The following SMG9 variants were observed in gnomAD, a reference collection of about 807,000 sequenced individuals.
The protein encoded by SMG9 is nonsense-mediated mRNA decay factor SMG9.
SMG9 carries 55 observed loss-of-function variants against 64.0 expected under a neutral mutation model. The observed-to-expected ratio is 0.86, with a 90% CI of 0.69 to 1.08. SMG9 has a LOEUF of 1.08. Ranked by LOEUF, SMG9 falls within the 50% of genes least tolerant of loss-of-function variation. SMG9 has a pLI of 0.00. For missense variants in SMG9, 554 were observed against 681.3 expected, an observed-to-expected ratio of 0.81 and a Z score of 2.08; for synonymous variants, 244 against 254.8, an observed-to-expected ratio of 0.96 and a Z score of 0.41.
chr19:43,754,948 G>A lies in SMG9; in HGVS notation c.-301C>T, dbSNP rs1170425150. 6.6e-6 allele frequency: 1 copy of A among 152,310 alleles called. No individual in the cohort carries two copies. Among genetic ancestry groups the A allele is most frequent in the Non-Finnish European group, 1.5e-5 (1 of 68,094 alleles). 9.4% of individuals were successfully genotyped at this position (152,310 alleles called of 1,614,324 possible). Reference sequence around the variant, plus strand: ...TCCTGCGCATGCGCTGAGGGCTGGAGCTCGAGAACTGAATGCGCTCGCCGG... The same window carrying A: ...TCCTGCGCATGCGCTGAGGGCTGGAACTCGAGAACTGAATGCGCTCGCCGG... On this transcript the variant is annotated 5_prime_UTR_variant, in exon 1 of 14. Transcript: ENST00000270066.
intron 7 of SMG9, among the ~76,000 whole-genome samples, chr19:43,739,346 CTA>C (rs1968775090): frequency 6.6e-6 from 1 of 152,188 alleles, no homozygotes; most frequent in Non-Finnish European, 1.5e-5. Context: ...CACAAAACCC[CTA>C]TGAGGCAGGC....
At chr19:43,748,196 C>T in intron 2 of SMG9, 144 bp from the exon 3 acceptor site, 1 of 1,017,838 alleles carries the variant, frequency 9.8e-7, no homozygotes, top group Non-Finnish European at 1.4e-6. Context: ...TATTATTACC[C>T]CCACTTTACA....
At chr19:43,752,088 G>A (rs1379227817) in intron 1 of SMG9, among the ~76,000 whole-genome samples, 4 of 152,186 alleles carry the variant, frequency 2.6e-5, no homozygotes, top group Admixed American at 1.3e-4. Context: ...ACTTACTAGT[G>A]TATGTCATGG....
intron 5 of SMG9, among the ~76,000 whole-genome samples, chr19:43,746,185 CA>C (rs1792647483): frequency 2.0e-5 from 3 of 152,136 alleles, no homozygotes; most frequent in African/African-American, 4.8e-5. Context: ...ATAAATAAAG[CA>C]AATCCTGGGC....
chr19:43,753,523 C>A (rs1969258509), intron 1 of SMG9, among the ~76,000 whole-genome samples: 1 of 146,546 alleles, frequency 6.8e-6, no homozygotes, highest in African/African-American at 2.5e-5. Flanking sequence ...TGCAGTGGCA[C>A]GATCTCAGCT....
intron 6 of SMG9, 26 bp from the exon 7 acceptor site, chr19:43,740,244 T>C (rs2146379135): frequency 6.6e-7 from 1 of 1,521,796 alleles, no homozygotes; most frequent in African/African-American, 1.4e-5. Context: ...GGCAGGGGTG[T>C]GTGAGAGCTC....
At position 43,741,981 on chromosome 19, in the gene SMG9, C is replaced by G. The variant is rs536482149; in HGVS notation, c.702-1763G>C. Among the ~76,000 whole-genome samples the G allele has an allele frequency of 3.0e-3, 455 of 152,108 alleles. 3 individuals are homozygous for G. The highest frequency in any genetic ancestry group is 0.011 in the African/African-American group (440 of 41,490). ...TGGCCAACATGGTGAAACCCTGTCTCTATTAAAAATACAAAAATTAGCCGG... is the reference window on the plus strand; with the variant it reads ...TGGCCAACATGGTGAAACCCTGTCTGTATTAAAAATACAAAAATTAGCCGG... On this transcript the variant is annotated intron_variant, in intron 6 of 13. Coordinates refer to ENST00000270066, the MANE Select transcript of SMG9 (RefSeq NM_019108.4).
At chr19:43,737,976 T>C in intron 8 of SMG9, 146 bp downstream of exon 8, 2 of 780,662 alleles carry the variant, frequency 2.6e-6, no homozygotes, top group Non-Finnish European at 4.3e-6. Context: ...ACTCTCAGTG[T>C]TGTCCTCTTC....
intron 1 of SMG9, among the ~76,000 whole-genome samples, chr19:43,752,896 CCTGT>C (rs1969231108): frequency 1.2e-5 from 1 of 84,178 alleles, no homozygotes; most frequent in Non-Finnish European, 2.4e-5. Context: ...AAAGCAAGAC[CCTGT>C]CTAAAAAAAA....
chr19:43,744,868 G>C lies in SMG9; in HGVS notation c.605C>G (p.Thr202Ser). The change falls in exon 6 of 14, where the codon ACT becomes AGT. Residue 202 changes from threonine to serine, a missense_variant. Thr to Ser is a moderately conservative substitution (Grantham distance 58). Transcript: ENST00000270066. ...CAGGACACCAACCACCAACACATCA[G>C]TCTGATCCAACAGGTACTGTGGGAA... Reference protein sequence around the residue: ...DSAIEYLLDQTDVLVVGVLGL... With the variant: ...DSAIEYLLDQSDVLVVGVLGL... 6.2e-7 allele frequency: 1 copy of C among 1,613,680 alleles called. No individual in the cohort carries two copies. Among genetic ancestry groups the C allele is most frequent in the Non-Finnish European group, 8.5e-7 (1 of 1,179,758 alleles).
chr19:43,734,540 C>CA, intron 9 of SMG9, 45 bp from the exon 10 acceptor site: 3 of 1,352,970 alleles, frequency 2.2e-6, no homozygotes, highest in Non-Finnish European at 3.1e-6. Context: ...ACTTGCACCC[C>CA]AGGTCCCACA....
chr19:43,732,759 G>T (rs1296908709), intron 13 of SMG9, 99 bp downstream of exon 13: 2 of 1,430,284 alleles, frequency 1.4e-6, no homozygotes, highest in Admixed American at 1.8e-5. Context: ...ATCTGGAGAG[G>T]AGGGGCTTCA....
chr19:43,733,529 G>C, intron 11 of SMG9, 77 bp from the exon 12 acceptor site: 1 of 1,609,622 alleles, frequency 6.2e-7, no homozygotes, highest in Non-Finnish European at 8.5e-7. Context: ...AGTCAAAGCA[G>C]GATCAGGAGA....
intron 2 of SMG9, among the ~76,000 whole-genome samples, chr19:43,749,010 T>G (rs556417875): frequency 6.6e-6 from 1 of 152,190 alleles, no homozygotes; most frequent in Admixed American, 6.5e-5. Context: ...AATTTGGGAT[T>G]TTTTTGAACT....
chr19:43,741,679 A>G lies in SMG9; in HGVS notation c.702-1461T>C, dbSNP rs114280410. Among the ~76,000 whole-genome samples, 194 of 152,220 alleles carry G rather than the reference A, an allele frequency of 1.3e-3. 1 individual carries two copies. Among genetic ancestry groups the G allele is most frequent in the African/African-American group, 4.5e-3 (186 of 41,524 alleles). On this transcript the variant is annotated intron_variant, in intron 6 of 13. Transcript: ENST00000270066. Reference sequence around the variant, plus strand: ...AAGGCTGCCACGTTCTTCTACACACACTATGGGCAAGCTCCCACTTCAGAC... The same window carrying G: ...AAGGCTGCCACGTTCTTCTACACACGCTATGGGCAAGCTCCCACTTCAGAC...
At position 43,747,807 on chromosome 19, in the gene SMG9, C is replaced by T; in HGVS notation, c.316G>A (p.Glu106Lys). 6.2e-7 allele frequency: 1 copy of T among 1,605,076 alleles called. No homozygotes were observed. Among genetic ancestry groups the T allele is most frequent in the South Asian group, 1.1e-5 (1 of 90,062 alleles). The change falls in exon 4 of 14, where the codon GAG (glutamate) becomes AAG (lysine). Residue 106 changes from glutamate (E) to lysine (K), a missense_variant. Physicochemically the swap from Glu to Lys is moderately conservative, Grantham distance 56. Transcript: ENST00000270066. Reference protein sequence around the residue: ...KPIVLMKPREEGKGPVAVTGA... With the variant: ...KPIVLMKPREKGKGPVAVTGA... ...GTCACGGCCACAGGCCCCTTCCCCT[C>T]CTCCCGTGGCTTCATGAGAACGATG...
At chr19:43,754,036 G>A (rs1029486435) in intron 1 of SMG9, among the ~76,000 whole-genome samples, 1 of 152,094 alleles carries the variant, frequency 6.6e-6, no homozygotes, top group African/African-American at 2.4e-5. Flanking sequence ...GTCTGCTGAT[G>A]GACTTCTAGG....
In SMG9 at chr19:43,750,826, C is replaced by T. The variant is rs114156324; in HGVS notation, c.-6-79G>A. The T allele has an allele frequency of 9.5e-4, 1,243 of 1,305,250 alleles. 12 individuals are homozygous for T. The African/African-American group carries it at 0.017, about 18-fold the overall frequency. The allele number at this position is 1,305,250 out of a possible 1,614,324, so 80.9% of individuals were successfully genotyped here. ...TGGCATATCCTAGACTATACGAAGT[C>T]CCTTCTTTCTTTTTTTTGGAGATGG... On this transcript the variant is annotated intron_variant, in intron 1 of 13. Coordinates refer to ENST00000270066, the MANE Select transcript of SMG9 (RefSeq NM_019108.4).
chr19:43,751,444 T>C (rs1482391217), intron 1 of SMG9, among the ~76,000 whole-genome samples: 4 of 152,242 alleles, frequency 2.6e-5, no homozygotes, highest in Non-Finnish European at 4.4e-5. Flanking sequence ...GCCAAGGCCC[T>C]TCCTTTCAAC....
Sources: allele counts gnomAD v4.1 joint callset (sites outside exome capture counted in the v4.1 genomes callset), GRCh38; gene constraint gnomAD v4.1.1; transcripts MANE v1.5; gene names NCBI Gene and HGNC (gene_info 2026-07-23, HGNC 2026-07-21).